Variants in CCDC192 observed in about 807,000 individuals in gnomAD.
CCDC192 encodes coiled-coil domain containing 192.
At chr5:127,828,860 A>G (rs1276412972) in intron 5 of CCDC192, among the ~76,000 whole-genome samples, 3 of 152,234 alleles carry the variant, frequency 2.0e-5, no homozygotes, top group Non-Finnish European at 4.4e-5. Flanking sequence ...GGAGGTAGGC[A>G]TTGCCAAGAG....
chr5:127,737,447 C>T (rs377296681), intron 2 of CCDC192, among the ~76,000 whole-genome samples: 30 of 151,740 alleles, frequency 2.0e-4, no homozygotes, highest in South Asian at 8.4e-4. Context: ...CTATTAGGTC[C>T]GCTTGGTGCA....
intron 5 of CCDC192, among the ~76,000 whole-genome samples, chr5:127,868,097 C>G (rs1462405399): frequency 6.7e-6 from 1 of 149,286 alleles, no homozygotes; most frequent in Admixed American, 6.8e-5. Flanking sequence ...TCTATGTATA[C>G]TACATAAAGG....
intron 6 of CCDC192, among the ~76,000 whole-genome samples, chr5:127,929,470 ATG>A (rs1002400793): frequency 1.3e-5 from 2 of 152,190 alleles, no homozygotes; most frequent in African/African-American, 2.4e-5. Flanking sequence ...ATAGTTGCAC[ATG>A]TCAGTCAAAA....
chr5:127,841,715 G>A (rs1192213216), intron 5 of CCDC192, among the ~76,000 whole-genome samples: 1 of 152,136 alleles, frequency 6.6e-6, no homozygotes, highest in African/African-American at 2.4e-5. Context: ...AACAAACGGA[G>A]TTGTCCAACG....
chr5:127,783,952 C>T (rs1281364283), intron 3 of CCDC192, among the ~76,000 whole-genome samples: 1 of 152,128 alleles, frequency 6.6e-6, no homozygotes, highest in East Asian at 1.9e-4. Context: ...AGAATAGCTA[C>T]TCCTGCTCAT....
rs1002021963 is a variant in CCDC192 at position 127,864,286 on chromosome 5, G to C, written c.412-11252G>C. On this transcript the variant is annotated intron_variant, in intron 5 of 6. Transcript: ENST00000514853. ...CTAAATTTTACATTCTCAGACTCTG[G>C]GAAGTTGTGACACCACAAGTCACTA... is the stretch of plus-strand genomic sequence containing the variant. 9.9e-5 allele frequency among the ~76,000 whole-genome samples: 15 copies of C among 152,222 alleles called. No homozygotes were observed. In the East Asian group the frequency reaches 2.7e-3, roughly 27 times the overall value.
chr5:127,890,312 G>A (rs245169), intron 6 of CCDC192, among the ~76,000 whole-genome samples: 2,570 of 151,974 alleles, frequency 0.017, 34 homozygotes, highest in Non-Finnish European at 0.027. Context: ...GGGTGGTCGA[G>A]GCTACAGTGA....
intron 2 of CCDC192, among the ~76,000 whole-genome samples, chr5:127,742,704 A>C (rs1753491146): frequency 6.6e-6 from 1 of 152,188 alleles, no homozygotes; most frequent in South Asian, 2.1e-4. Flanking sequence ...AAAACACAAT[A>C]ATTTCCATGT....
chr5:127,757,272 A>T (rs1754653698), intron 3 of CCDC192, among the ~76,000 whole-genome samples: 1 of 152,238 alleles, frequency 6.6e-6, no homozygotes, highest in South Asian at 2.1e-4. Flanking sequence ...TAGTTCTTGA[A>T]GTTGCCAAAT....
chr5:127,760,723 AAGG>A (rs1754871939), intron 3 of CCDC192, among the ~76,000 whole-genome samples: 1 of 150,850 alleles, frequency 6.6e-6, no homozygotes, highest in South Asian at 2.1e-4. Context: ...AAAAAAAAAA[AAGG>A]AAAGTTTTAG....
chr5:127,706,883 T>C (rs1750997229), intron 1 of CCDC192, among the ~76,000 whole-genome samples: 2 of 152,186 alleles, frequency 1.3e-5, no homozygotes, highest in South Asian at 4.1e-4. Flanking sequence ...TGGTGACATT[T>C]GATCAAAGAC....
At chr5:127,873,696 T>A (rs1419782643) in intron 5 of CCDC192, among the ~76,000 whole-genome samples, 1 of 152,134 alleles carries the variant, frequency 6.6e-6, no homozygotes, top group Non-Finnish European at 1.5e-5. Context: ...TCTCCAAAGT[T>A]CTAAATTGTA....
rs889342685 is a variant in CCDC192 at position 127,797,134 on chromosome 5, T to A, written c.254T>A (p.Leu85Gln). ...LSVSEGTKSKLLEQVSRLEEK... is the reference protein window; with the variant it reads ...LSVSEGTKSKQLEQVSRLEEK... ...GTCTCTGAAGGAACAAAATCAAAAC[T>A]GCTTGAACAAGTATCCCGGCTGGAG... The change falls in exon 4 of 7, where the codon CTG becomes CAG. Residue 85 changes from leucine (L) to glutamine (Q), a missense_variant. Transcript: ENST00000514853. 3 of 398,190 alleles carry A rather than the reference T, an allele frequency of 7.5e-6. No homozygotes were observed. Among genetic ancestry groups the A allele is most frequent in the African/African-American group, 2.1e-5 (1 of 48,570 alleles). 24.7% of individuals were successfully genotyped at this position (398,190 alleles called of 1,614,324 possible).
rs1456810313 is a variant in CCDC192 at position 127,758,396 on chromosome 5, C to T, written c.222+4021C>T. 5.3e-5 allele frequency among the ~76,000 whole-genome samples: 8 copies of T among 152,294 alleles called. No homozygotes were observed. The East Asian group carries it at 1.3e-3, about 26-fold the overall frequency. On this transcript the variant is annotated intron_variant, in intron 3 of 6. Transcript: ENST00000514853. ...GGCTTCACTTTAGCTTACAATTATT[C>T]TTTATTTCTCTGCAGCCAAGTCACT...
chr5:127,786,835 A>C, intron 3 of CCDC192: 1 of 526,670 alleles, frequency 1.9e-6, no homozygotes, highest in Non-Finnish European at 3.6e-6. Flanking sequence ...CCCTTTTTTG[A>C]TGTAGAAACT....
At chr5:127,786,020 T>C in intron 3 of CCDC192, 3 of 607,534 alleles carry the variant, frequency 4.9e-6, no homozygotes. Context: ...TGATTATGAA[T>C]CTGTGTCTCC....
intron 6 of CCDC192, among the ~76,000 whole-genome samples, chr5:127,893,048 T>G (rs1752776403): frequency 6.6e-6 from 1 of 152,018 alleles, no homozygotes; most frequent in African/African-American, 2.4e-5. Context: ...TAAGAATGAG[T>G]CATAGTCTCC....
chr5:127,751,407 G>A (rs1754162150), intron 2 of CCDC192, among the ~76,000 whole-genome samples: 1 of 151,972 alleles, frequency 6.6e-6, no homozygotes, highest in African/African-American at 2.4e-5. Flanking sequence ...ATTCTGGGTT[G>A]AAAATTCTTT....
chr5:127,869,684 C>T (rs568204193), intron 5 of CCDC192, among the ~76,000 whole-genome samples: 1 of 152,170 alleles, frequency 6.6e-6, no homozygotes, highest in African/African-American at 2.4e-5. Flanking sequence ...TTTATTTATC[C>T]TACAGAGGGA....
Sources: gnomAD v4.1 joint callset for allele counts (sites outside exome capture counted in the v4.1 genomes callset) on GRCh38, gnomAD v4.1.1 for gene constraint, MANE v1.5 for transcripts, NCBI Gene and HGNC (gene_info 2026-07-23, HGNC 2026-07-21) for gene names.